Variants in GRIN2B observed in about 807,000 individuals in gnomAD.
GRIN2B encodes glutamate receptor ionotropic, NMDA 2B.
A neutral mutation model predicts 114.5 loss-of-function variants in GRIN2B; 5 were observed. The observed-to-expected ratio is 0.04, with a 90% CI of 0.02 to 0.09. The LOEUF is 0.09. GRIN2B is among the 10% of genes least tolerant of loss of function. The pLI is 1.00. For synonymous variants in GRIN2B, 787 were observed against 745.1 expected (o/e 1.06, Z -0.92); for missense variants, 1,108 against 1,943.5 (o/e 0.57, Z 8.08).
At chr12:13,942,708 T>C (rs935937007) in intron 2 of GRIN2B, among the ~76,000 whole-genome samples, 1 of 152,192 alleles carries the variant, frequency 6.6e-6, no homozygotes, top group African/African-American at 2.4e-5. Context: ...CTAATGTATA[T>C]AAATTAAAAT....
intron 4 of GRIN2B, among the ~76,000 whole-genome samples, chr12:13,702,499 T>C (rs1031171612): frequency 3.3e-5 from 5 of 152,122 alleles, no homozygotes; most frequent in African/African-American, 7.2e-5. Context: ...AGATCTAGGA[T>C]TGAAACTGTG....
In GRIN2B at chr12:13,830,093, T is replaced by C. The variant is rs1445372390; in HGVS notation, c.411+35705A>G. Among the ~76,000 whole-genome samples, 3 of 152,284 alleles carry C rather than the reference T, an allele frequency of 2.0e-5. No homozygotes were observed. In the East Asian group the frequency reaches 5.8e-4, roughly 29 times the overall value. On this transcript the variant is annotated intron_variant, in intron 3 of 13. Coordinates refer to ENST00000609686, the MANE Select transcript of GRIN2B (RefSeq NM_000834.5). Reference sequence around the variant, plus strand: ...CTGTGTCATCAAAAATGAGTTCTGTTAACAAGCTGAATATAGGAGATATTT... The same window carrying C: ...CTGTGTCATCAAAAATGAGTTCTGTCAACAAGCTGAATATAGGAGATATTT...
At chr12:13,593,985 T>C (rs1490700159) in intron 10 of GRIN2B, among the ~76,000 whole-genome samples, 1 of 152,172 alleles carries the variant, frequency 6.6e-6, no homozygotes, top group African/African-American at 2.4e-5. Flanking sequence ...TACCATCTCA[T>C]GCCAGTTAGA....
At chr12:13,757,309 G>A (rs779369263) in intron 3 of GRIN2B, among the ~76,000 whole-genome samples, 18 of 152,184 alleles carry the variant, frequency 1.2e-4, no homozygotes, top group Non-Finnish European at 2.2e-4. Context: ...TCAGGAATGG[G>A]ACAGCTCTTT....
At chr12:13,565,178 G>C (rs1328025951) in intron 13 of GRIN2B, among the ~76,000 whole-genome samples, 1 of 152,196 alleles carries the variant, frequency 6.6e-6, no homozygotes, top group East Asian at 1.9e-4. Flanking sequence ...AGCAGGTTTA[G>C]AATTTTGGTC....
chr12:13,786,377 C>A (rs1298424761), intron 3 of GRIN2B, among the ~76,000 whole-genome samples: 1 of 152,172 alleles, frequency 6.6e-6, no homozygotes, highest in Non-Finnish European at 1.5e-5. Flanking sequence ...TTCAATTTTG[C>A]TGGGACCACC....
intron 4 of GRIN2B, among the ~76,000 whole-genome samples, chr12:13,731,757 C>T (rs1382019766): frequency 6.6e-6 from 1 of 152,202 alleles, no homozygotes; most frequent in East Asian, 1.9e-4. Flanking sequence ...AATTCTGGCC[C>T]TCATCACCTC....
At chr12:13,684,093 T>C (rs987166568) in intron 4 of GRIN2B, among the ~76,000 whole-genome samples, 2 of 152,166 alleles carry the variant, frequency 1.3e-5, no homozygotes, top group Admixed American at 1.3e-4. Flanking sequence ...CTTGGGAATA[T>C]TTGTTTTGTT....
intron 2 of GRIN2B, among the ~76,000 whole-genome samples, chr12:13,906,114 T>C (rs987710527): frequency 6.6e-6 from 1 of 152,210 alleles, no homozygotes; most frequent in African/African-American, 2.4e-5. Flanking sequence ...TATCTTCTTA[T>C]AGCAATTTGA....
intron 8 of GRIN2B, 129 bp downstream of exon 8, chr12:13,614,985 C>A: frequency 1.2e-6 from 1 of 828,808 alleles, no homozygotes; most frequent in Non-Finnish European, 2.1e-6. Context: ...TAAGTGAAGT[C>A]CCTGGCTGAG....
At chr12:13,638,944 G>A (rs1391731455) in intron 5 of GRIN2B, among the ~76,000 whole-genome samples, 6 of 152,022 alleles carry the variant, frequency 3.9e-5, no homozygotes, top group Non-Finnish European at 5.9e-5. Context: ...CTCTTTGCAC[G>A]TTTGTTGTAC....
intron 4 of GRIN2B, among the ~76,000 whole-genome samples, chr12:13,703,311 T>C (rs1203418245): frequency 2.0e-5 from 3 of 152,210 alleles, no homozygotes; most frequent in Non-Finnish European, 4.4e-5. Flanking sequence ...ATGCCCACTC[T>C]TCATATTTGT....
intron 10 of GRIN2B, among the ~76,000 whole-genome samples, chr12:13,580,059 G>A (rs1057425209): frequency 6.6e-6 from 1 of 152,200 alleles, no homozygotes; most frequent in Non-Finnish European, 1.5e-5. Flanking sequence ...CTGGCACCAG[G>A]AGAGGAGCAG....
At chr12:13,750,752 T>A (rs947337733) in intron 4 of GRIN2B, among the ~76,000 whole-genome samples, 1 of 151,990 alleles carries the variant, frequency 6.6e-6, no homozygotes, top group African/African-American at 2.4e-5. Context: ...GTGCACTGAG[T>A]CTTGGAGGGC....
At chr12:13,750,345 A>G (rs1226600570) in intron 4 of GRIN2B, among the ~76,000 whole-genome samples, 1 of 152,222 alleles carries the variant, frequency 6.6e-6, no homozygotes, top group African/African-American at 2.4e-5. Flanking sequence ...TTTCAGAGAT[A>G]TGTGGTTAGA....
Position 13,558,256 on chromosome 12 carries a change from C to T in GRIN2B, c.*4527G>A, listed in dbSNP as rs1471116045. The T allele has an allele frequency of 1.3e-5, 2 of 152,122 alleles. No individual in the cohort carries two copies. The highest frequency in any genetic ancestry group is 2.9e-5 in the Non-Finnish European group (2 of 68,034). 9.4% of individuals were successfully genotyped at this position (152,122 alleles called of 1,614,324 possible). On this transcript the variant is annotated 3_prime_UTR_variant, in exon 14 of 14. Coordinates refer to ENST00000609686, the MANE Select transcript of GRIN2B (RefSeq NM_000834.5). ...CCCTGGAAATGCTGAATGCATTCAT[C>T]AATATCACTGCAGTGACATCATTTA...
At chr12:13,835,065 T>A (rs1865234579) in intron 3 of GRIN2B, among the ~76,000 whole-genome samples, 1 of 152,196 alleles carries the variant, frequency 6.6e-6, no homozygotes, top group Non-Finnish European at 1.5e-5. Context: ...GAGAGTTAAA[T>A]CGGTCTTGCT....
At chr12:13,920,293 G>C (rs915716703) in intron 2 of GRIN2B, among the ~76,000 whole-genome samples, 1 of 150,742 alleles carries the variant, frequency 6.6e-6, no homozygotes, top group African/African-American at 2.4e-5. Context: ...AGGAGGTGAA[G>C]TGAAAAAATG....
chr12:13,619,000 T>G (rs2136484609), intron 5 of GRIN2B, among the ~76,000 whole-genome samples: 1 of 151,276 alleles, frequency 6.6e-6, no homozygotes, highest in Middle Eastern at 3.4e-3. Context: ...AAAAAGAGAT[T>G]GTTTAATGAA....
Sources: allele counts gnomAD v4.1 joint callset (sites outside exome capture counted in the v4.1 genomes callset), GRCh38; gene constraint gnomAD v4.1.1; transcripts MANE v1.5; gene names NCBI Gene and HGNC (gene_info 2026-07-23, HGNC 2026-07-21).